The following STAP2 variants were observed in gnomAD, a reference collection of about 807,000 sequenced individuals.
STAP2 encodes the protein signal-transducing adaptor protein 2.
In STAP2, 58 loss-of-function variants were observed where a neutral mutation model predicts 52.7. That is an observed-to-expected ratio of 1.10 (90% CI 0.89 to 1.37). The LOEUF (loss-of-function observed/expected upper bound fraction) is 1.37, where lower values mean the gene tolerates loss of function less well. STAP2 is among the 40% of genes most tolerant of loss of function. STAP2 has a pLI of 0.00. For synonymous variants in STAP2, 231 were observed against 210.5 expected, an observed-to-expected ratio of 1.10 and a Z score of -0.84; for missense variants, 522 against 519.4, an observed-to-expected ratio of 1.00 and a Z score of -0.05.
rs1378810315 is a variant in STAP2 at position 4,338,771 on chromosome 19, C to T, written c.-18G>A. 6.2e-7 allele frequency: 1 copy of T among 1,603,348 alleles called. No homozygotes were observed. Among genetic ancestry groups the T allele is most frequent in the Non-Finnish European group, 8.5e-7 (1 of 1,173,908 alleles). ...GAGGCCATGACGGAGCCAGGGTCTT[C>T]CGCCTGGCCTCTCCTTCCAGTGGGT... On this transcript the variant is annotated 5_prime_UTR_variant, in exon 1 of 13. Transcript: ENST00000594605.
intron 3 of STAP2, among the ~76,000 whole-genome samples, chr19:4,333,060 C>A (rs1189529811): frequency 6.6e-6 from 1 of 151,492 alleles, no homozygotes; most frequent in Non-Finnish European, 1.5e-5. Flanking sequence ...CGTGGTGGCA[C>A]ACGCCTGTAA....
Position 4,327,402 on chromosome 19 carries a change from C to A in STAP2, c.591-17G>T, listed in dbSNP as rs370588876. ...ACGTGCGTCCTGCACCAGGAGAAAG[C>A]GAGTGAGTGGCTCAGCCCAGGCTCC... On this transcript the variant is annotated splice_polypyrimidine_tract_variant and intron_variant, in intron 6 of 12. Transcript: ENST00000594605. 1 of 1,613,788 alleles carries A rather than the reference C, an allele frequency of 6.2e-7. No homozygotes were observed. The highest frequency in any genetic ancestry group is 8.5e-7 in the Non-Finnish European group (1 of 1,179,888).
chr19:4,335,863 G>A (rs1971973196), intron 1 of STAP2, among the ~76,000 whole-genome samples: 1 of 152,112 alleles, frequency 6.6e-6, no homozygotes, highest in African/African-American at 2.4e-5. Flanking sequence ...CACGTGAACT[G>A]TGACTACAGC....
At position 4,324,439 on chromosome 19, in the gene STAP2, C is replaced by T; in HGVS notation, c.1147+16G>A. 3 of 1,551,032 alleles carry T rather than the reference C, an allele frequency of 1.9e-6. No individual in the cohort carries two copies. The highest frequency in any genetic ancestry group is 2.6e-6 in the Non-Finnish European group (3 of 1,144,234). ...CCTGGGAAGCCCGCCCCGCACTGAC[C>T]CCGCAGACCCCTTACCGGCTGTGGG... On this transcript the variant is annotated intron_variant, in intron 12 of 12. Coordinates refer to ENST00000594605, the MANE Select transcript of STAP2 (RefSeq NM_001013841.2).
At position 4,325,391 on chromosome 19, in the gene STAP2, C is replaced by T. The variant is rs779639066; in HGVS notation, c.979+5G>A. 2 of 1,614,080 alleles carry T rather than the reference C, an allele frequency of 1.2e-6. No individual in the cohort carries two copies. The highest frequency in any genetic ancestry group is 1.7e-6 in the Non-Finnish European group (2 of 1,180,030). Reference sequence around the variant, plus strand: ...CAGCTCTCAGCAGCTCTGTTCCCCACCCACCATCTTGGTTCTCATAGTCAA... The same window carrying T: ...CAGCTCTCAGCAGCTCTGTTCCCCATCCACCATCTTGGTTCTCATAGTCAA... On this transcript the variant is annotated splice_donor_5th_base_variant and intron_variant, in intron 10 of 12. Coordinates refer to ENST00000594605, the MANE Select transcript of STAP2 (RefSeq NM_001013841.2).
chr19:4,331,919 G>A, intron 4 of STAP2, 103 bp downstream of exon 4: 5 of 1,262,558 alleles, frequency 4.0e-6, no homozygotes, highest in Non-Finnish European at 5.6e-6. Context: ...GCGACAGAGC[G>A]AGACTCCGTC....
chr19:4,332,137 G>C (rs1971902008), intron 3 of STAP2, 59 bp from the exon 4 acceptor site: 1 of 1,422,332 alleles, frequency 7.0e-7, no homozygotes, highest in Non-Finnish European at 9.6e-7. Context: ...ACTCATCAAT[G>C]AAATTGGACT....
In STAP2 at chr19:4,332,752, C is replaced by T. The variant is rs201493856; in HGVS notation, c.298-674G>A. Among the ~76,000 whole-genome samples, 18 of 151,914 alleles carry T rather than the reference C, an allele frequency of 1.2e-4. No individual in the cohort carries two copies. The East Asian group carries it at 2.5e-3, about 21-fold the overall frequency. Reference sequence around the variant, plus strand: ...GGTAGGAGGATCGATCGCTTGAGCCCGGGAGGTCGAGGCTGCAGTGAGCTA... The same window carrying T: ...GGTAGGAGGATCGATCGCTTGAGCCTGGGAGGTCGAGGCTGCAGTGAGCTA... On this transcript the variant is annotated intron_variant, in intron 3 of 12. Coordinates refer to ENST00000594605, the MANE Select transcript of STAP2 (RefSeq NM_001013841.2).
intron 1 of STAP2, among the ~76,000 whole-genome samples, chr19:4,336,702 T>C (rs892238799): frequency 6.6e-6 from 1 of 151,744 alleles, no homozygotes; most frequent in Non-Finnish European, 1.5e-5. Context: ...TGGCTTGATC[T>C]TGACTCACTG....
chr19:4,335,321 C>T (rs909363826), intron 1 of STAP2, among the ~76,000 whole-genome samples: 5 of 151,922 alleles, frequency 3.3e-5, no homozygotes, highest in Non-Finnish European at 7.4e-5. Context: ...ATCCATACAT[C>T]CCTCCATCGT....
intron 11 of STAP2, chr19:4,324,859 G>T (rs1971759145): frequency 7.1e-6 from 3 of 424,602 alleles, no homozygotes. Flanking sequence ...GATGAGCTGG[G>T]TGCGGTGGCT....
chr19:4,334,826 C>CA (rs1971951003), intron 1 of STAP2, among the ~76,000 whole-genome samples: 1 of 43,718 alleles, frequency 2.3e-5, no homozygotes, highest in Non-Finnish European at 4.9e-5. Flanking sequence ...TCCACTCATC[C>CA]ATCCACCCAC....
Position 4,328,795 on chromosome 19 carries a change from A to G in STAP2, c.470T>C (p.Val157Ala). The change falls in exon 6 of 13, where the codon GTG (valine) becomes GCG (alanine). Residue 157 changes from valine to alanine, a missense_variant. Transcript: ENST00000594605. ...GAGCAGTTGTGCCTCCAGCCGGCTC[A>G]CCTTCAGGAAGCACCTGTGGCGGGC... ...ALETPSCFLK[V>A]SRLEAQLLLE... is the part of the protein sequence containing the mutation. 6.2e-7 allele frequency: 1 copy of G among 1,611,114 alleles called. No individual in the cohort carries two copies. Among genetic ancestry groups the G allele is most frequent in the East Asian group, 2.2e-5 (1 of 44,788 alleles).
chr19:4,338,571 A>T, intron 1 of STAP2, 81 bp downstream of exon 1: 4 of 361,924 alleles, frequency 1.1e-5, no homozygotes, highest in Non-Finnish European at 2.1e-5. Flanking sequence ...CCCCTTGGCG[A>T]GTGGGGAGAC....
rs1174654924 is a variant in STAP2, at chr19:4,332,059, C to A, written c.317G>T (p.Arg106Leu). Residue 106 changes from arginine (R) to leucine (L), a missense_variant, in exon 4 of 13, where the codon CGG becomes CTG. Coordinates refer to ENST00000594605, the MANE Select transcript of STAP2 (RefSeq NM_001013841.2). The stretch of plus-strand genomic sequence containing the variant: ...TAAGATGAAGCCTTTCCACATTTCC[C>A]GACACTCCAAGGTCTCTACCTGGGG... Reference protein sequence around the residue: ...IKFKVETLECREMWKGFILTV... With the variant: ...IKFKVETLECLEMWKGFILTV... 1 of 1,612,992 alleles carries A rather than the reference C, an allele frequency of 6.2e-7. No homozygotes were observed. The highest frequency in any genetic ancestry group is 1.3e-5 in the African/African-American group (1 of 74,796).
intron 1 of STAP2, among the ~76,000 whole-genome samples, chr19:4,336,577 G>A (rs2144796945): frequency 6.6e-6 from 1 of 151,790 alleles, no homozygotes; most frequent in Middle Eastern, 3.4e-3. Context: ...GCCTCCCAAA[G>A]TGTTGGGTTA....
chr19:4,331,395 G>T (rs887264238), intron 4 of STAP2, among the ~76,000 whole-genome samples: 1 of 151,572 alleles, frequency 6.6e-6, no homozygotes, highest in Non-Finnish European at 1.5e-5. Context: ...CACTTTGAGT[G>T]GCCAAGGCGG....
chr19:4,327,162 A>G lies in STAP2; in HGVS notation c.725T>C (p.Val242Ala), dbSNP rs1395430845. 3.1e-6 allele frequency: 5 copies of G among 1,614,210 alleles called. No individual in the cohort carries two copies. Among genetic ancestry groups the G allele is most frequent in the Non-Finnish European group, 4.2e-6 (5 of 1,180,028 alleles). Reference sequence around the variant, plus strand: ...GTAGTCCTCGTCTAACAGGAATGGCACCAGCGCCTTTTTGGTATGCGACAC... The same window carrying G: ...GTAGTCCTCGTCTAACAGGAATGGCGCCAGCGCCTTTTTGGTATGCGACAC... ...YFVSHTKKAL[V>A]PFLLDEDYEK... The change falls in exon 8 of 13, where the codon GTG (valine) becomes GCG (alanine). Residue 242 changes from valine to alanine, a missense_variant. Val to Ala is a moderately conservative substitution (Grantham distance 64). Coordinates refer to ENST00000594605, the MANE Select transcript of STAP2 (RefSeq NM_001013841.2).
Position 4,324,068 on chromosome 19 carries a change from G to C in STAP2, c.*65C>G. On this transcript the variant is annotated 3_prime_UTR_variant, in exon 13 of 13. Transcript: ENST00000594605. ...TCCTGGGGTCAGAGTTTTAATCCTG[G>C]GAAAAAGAATCTGGCCGCTGGGCCA... 2 of 1,514,898 alleles carry C rather than the reference G, an allele frequency of 1.3e-6. No homozygotes were observed. Among genetic ancestry groups the C allele is most frequent in the East Asian group, 4.9e-5 (2 of 40,750 alleles). 93.8% of individuals were successfully genotyped at this position (1,514,898 alleles called of 1,614,324 possible).
Sources: allele counts gnomAD v4.1 joint callset (sites outside exome capture counted in the v4.1 genomes callset), GRCh38; gene constraint gnomAD v4.1.1; transcripts MANE v1.5; gene names NCBI Gene and HGNC (gene_info 2026-07-23, HGNC 2026-07-21).